DNAAF8: variants seen among roughly 807,000 people sequenced by gnomAD.
DNAAF8 encodes the protein dynein axonemal-associated protein 1.
A neutral mutation model predicts 54.6 loss-of-function variants in DNAAF8; 61 were observed. The observed-to-expected ratio is 1.12, with a 90% confidence interval of 0.91 to 1.38. The LOEUF (loss-of-function observed/expected upper bound fraction) is 1.38, where lower values mean the gene tolerates loss of function less well. Among genes scored for constraint, DNAAF8 ranks in the 40% most tolerant of loss-of-function variants. The probability of loss-of-function intolerance (pLI) is 0.00; values close to 1 mark genes in which losing one functional copy is unlikely to be tolerated. For synonymous variants in DNAAF8, 320 were observed against 270.1 expected (o/e 1.18, Z -1.81); for missense variants, 837 against 665.0 (o/e 1.26, Z -2.85).
rs1236892719 is a variant in DNAAF8 at position 4,746,252 on chromosome 16, C to T, written c.1044-123C>T. The T allele has an allele frequency of 1.2e-5, 13 of 1,067,770 alleles. No individual in the cohort carries two copies. The Middle Eastern group carries it at 8.6e-4, about 71-fold the overall frequency. The allele number at this position is 1,067,770 out of a possible 1,614,324, so 66.1% of individuals were successfully genotyped here. ...AAAGAGCAAATGTGTTTAATGTGCC[C>T]GTCTGTAGAGAGTGGGCACTCACTG... On this transcript the variant is annotated intron_variant, in intron 6 of 9. Coordinates refer to ENST00000299320, the MANE Select transcript of DNAAF8 (RefSeq NM_139170.3).
chr16:4,740,092 A>G, intron 3 of DNAAF8, 61 bp from the exon 4 acceptor site: 2 of 1,489,436 alleles, frequency 1.3e-6, no homozygotes, highest in Non-Finnish European at 1.8e-6. Context: ...TTTTCTATGA[A>G]AAACATTCCC....
In DNAAF8 at chr16:4,746,392, A is replaced by G. The variant is rs737700; in HGVS notation, c.1061A>G (p.Gln354Arg). The change falls in exon 7 of 10, where the codon CAG becomes CGG. Residue 354 changes from glutamine (Q) to arginine (R), a missense_variant. Gln to Arg is a conservative substitution (Grantham distance 43). Transcript: ENST00000299320. Reference protein sequence around the residue: ...DSGSRCASRKQGSQAGPGPQL... With the variant: ...DSGSRCASRKRGSQAGPGPQL... ...CATTTCAGATGTGCCTCAAGGAAGC[A>G]GGGCTCCCAGGCTGGGCCAGGCCCG... 0.65 allele frequency: 1,040,794 copies of G among 1,611,516 alleles called. 338,617 individuals are homozygous for G. Among genetic ancestry groups the G allele is most frequent in the East Asian group, 0.69 (30,811 of 44,858 alleles).
intron 2 of DNAAF8, among the ~76,000 whole-genome samples, chr16:4,737,364 C>T (rs1189472245): frequency 6.6e-6 from 1 of 152,170 alleles, no homozygotes; most frequent in Non-Finnish European, 1.5e-5. Context: ...CCTTCAGTCT[C>T]ATTTGAGAGT....
chr16:4,746,636 T>G, intron 7 of DNAAF8, 124 bp downstream of exon 7: 1 of 1,305,598 alleles, frequency 7.7e-7, no homozygotes, highest in Non-Finnish European at 1.0e-6. Flanking sequence ...GGATCAATTC[T>G]CAATTGAAAA....
At position 4,740,659 on chromosome 16, in the gene DNAAF8, G is replaced by A. The variant is rs150544160; in HGVS notation, c.783G>A (p.Gln261=). 552 of 1,586,590 alleles carry A rather than the reference G, an allele frequency of 3.5e-4. 3 individuals are homozygous for A. In the African/African-American group the frequency reaches 6.7e-3, roughly 19 times the overall value. ...AGGGACCACCAGTGCTCTCGCTCCA[G>A]GTAGGCGCCTCCCCGTGCCTGGCTG... ...PPEGPPVLSL[Q]QLEAWDLDDI... Residue 261 remains glutamine, a splice_region_variant and synonymous_variant, in exon 4 of 10, where the codon CAG becomes CAA. Transcript: ENST00000299320.
At chr16:4,743,993 G>A (rs1257729350) in intron 5 of DNAAF8, among the ~76,000 whole-genome samples, 3 of 144,398 alleles carry the variant, frequency 2.1e-5, no homozygotes, top group South Asian at 2.2e-4. Context: ...GCAATGGCAC[G>A]ATCTCGGTTC....
chr16:4,746,818 T>G, intron 7 of DNAAF8, 109 bp from the exon 8 acceptor site: 1 of 1,057,606 alleles, frequency 9.5e-7, no homozygotes. Context: ...GTGTGGCTGC[T>G]GACCTCTTGC....
chr16:4,744,905 G>C lies in DNAAF8; in HGVS notation c.937G>C (p.Glu313Gln), dbSNP rs765863181. Reference protein sequence around the residue: ...MVPSAHNRLMEQLALLCTTQS... With the variant: ...MVPSAHNRLMQQLALLCTTQS... ...GCCGAGCGCCCACAACAGGCTCATG[G>C]AACAGCTGGCCCTCCTGTGCACCAC... The change falls in exon 6 of 10, where the codon GAA (glutamate) becomes CAA (glutamine). Residue 313 changes from glutamate to glutamine, a missense_variant. Transcript: ENST00000299320. 3.7e-6 allele frequency: 6 copies of C among 1,613,744 alleles called. No individual in the cohort carries two copies. The highest frequency in any genetic ancestry group is 5.1e-6 in the Non-Finnish European group (6 of 1,179,992).
In DNAAF8 at chr16:4,746,893, G is replaced by C. The variant is rs1465771511; in HGVS notation, c.1182-34G>C. On this transcript the variant is annotated intron_variant, in intron 7 of 9. Coordinates refer to ENST00000299320, the MANE Select transcript of DNAAF8 (RefSeq NM_139170.3). ...CAAGAGTTGGAACACCAGGTGGAGT[G>C]GGCACATCCAGAAACCCATTTCTCT... The C allele has an allele frequency of 2.0e-6, 3 of 1,505,664 alleles. No homozygotes were observed. The African/African-American group carries it at 4.2e-5, about 21-fold the overall frequency. The allele number at this position is 1,505,664 out of a possible 1,614,324, so 93.3% of individuals were successfully genotyped here.
intron 5 of DNAAF8, chr16:4,743,494 G>GA: frequency 6.3e-6 from 1 of 159,416 alleles, no homozygotes. Context: ...CTGGGGGAAG[G>GA]AAGCCCCACC....
Position 4,746,346 on chromosome 16 carries a change from C to A in DNAAF8, c.1044-29C>A, listed in dbSNP as rs765468128. 4.4e-6 allele frequency: 7 copies of A among 1,598,732 alleles called. No individual in the cohort carries two copies. In the South Asian group the frequency reaches 7.8e-5, roughly 18 times the overall value. On this transcript the variant is annotated intron_variant, in intron 6 of 9. Transcript: ENST00000299320. ...TCACAGAGTTATCACAGAGAACTGA[C>A]TCCACAACACCTGCTTTTCTCATTT...
In DNAAF8 at chr16:4,747,528, A is replaced by G. The variant is rs1361097028; in HGVS notation, c.1466A>G (p.Gln489Arg). ...MKLCAKGQSA[Q>R]ARLPRGRPRA... The stretch of plus-strand genomic sequence containing the variant: ...CTCTGTGCCAAGGGGCAGAGCGCCC[A>G]GGCTCGACTCCCAAGAGGCAGGCCC... The change falls in exon 9 of 10, where the codon CAG (glutamine) becomes CGG (arginine). Residue 489 changes from glutamine to arginine, a missense_variant. Physicochemically the swap from Gln to Arg is conservative, Grantham distance 43. Transcript: ENST00000299320. 1 of 1,612,972 alleles carries G rather than the reference A, an allele frequency of 6.2e-7. No homozygotes were observed. The highest frequency in any genetic ancestry group is 1.3e-5 in the African/African-American group (1 of 74,940).
In DNAAF8 at chr16:4,748,933, C is replaced by T. The variant is rs541677291; in HGVS notation, c.*218C>T. 1.3e-5 allele frequency: 2 copies of T among 152,298 alleles called. No individual in the cohort carries two copies. Among genetic ancestry groups the T allele is most frequent in the African/African-American group, 2.4e-5 (1 of 41,472 alleles). 9.4% of individuals were successfully genotyped at this position (152,298 alleles called of 1,614,324 possible). On this transcript the variant is annotated 3_prime_UTR_variant, in exon 10 of 10. Transcript: ENST00000299320. Reference sequence around the variant, plus strand: ...AGCCTTGTACCAGGCAAAAGACAGGCCCTGCTTGGCCGTGGTCACTGGCCG... The same window carrying T: ...AGCCTTGTACCAGGCAAAAGACAGGTCCTGCTTGGCCGTGGTCACTGGCCG...
intron 2 of DNAAF8, among the ~76,000 whole-genome samples, chr16:4,737,329 C>G (rs1024558739): frequency 6.6e-6 from 1 of 152,170 alleles, no homozygotes; most frequent in South Asian, 2.1e-4. Context: ...GGACCCCACG[C>G]CTCAGTGCTC....
chr16:4,744,590 G>A (rs1273345297), intron 5 of DNAAF8, among the ~76,000 whole-genome samples: 1 of 151,540 alleles, frequency 6.6e-6, no homozygotes, highest in African/African-American at 2.4e-5. Flanking sequence ...AAGTGGGACC[G>A]GGGTGTGAGG....
At position 4,740,510 on chromosome 16, in the gene DNAAF8, C is replaced by G; in HGVS notation, c.634C>G (p.Leu212Val). ...ERRKMIETDI[L>V]QKVTRDACGP... The stretch of plus-strand genomic sequence containing the variant: ...AAGGAAGATGATAGAGACGGACATC[C>G]TCCAGAAAGTCACCCGGGATGCCTG... The change falls in exon 4 of 10, where the codon CTC becomes GTC. Residue 212 changes from leucine (L) to valine (V), a missense_variant. By Grantham distance (32) the Leu-to-Val change is conservative. Transcript: ENST00000299320. 1 of 1,614,106 alleles carries G rather than the reference C, an allele frequency of 6.2e-7. No individual in the cohort carries two copies. Among genetic ancestry groups the G allele is most frequent in the South Asian group, 1.1e-5 (1 of 91,088 alleles).
At chr16:4,746,867 A>C (rs2082023543) in intron 7 of DNAAF8, 60 bp from the exon 8 acceptor site, 3 of 1,435,788 alleles carry the variant, frequency 2.1e-6, no homozygotes, top group Non-Finnish European at 2.8e-6. Context: ...TCAAGCCCCA[A>C]CAAGAGTTGG....
At chr16:4,739,265 G>GGTTTTTTTTTTTTTTTTTTTTTTTTT (rs1555482695) in intron 3 of DNAAF8, among the ~76,000 whole-genome samples, 6 of 69,030 alleles carry the variant, frequency 8.7e-5, no homozygotes, top group Non-Finnish European at 1.6e-4. Context: ...ATTTTTTCTT[G>GGTTTTTTTTTTTTTTTTTTTTTTTTT]TTTTTTTTTT....
rs17137230 is a variant in DNAAF8 at position 4,740,303 on chromosome 16, C to T, written c.427C>T (p.Pro143Ser). ...VSALLGMAEE[P>S]PRWLEGDLGS... is the part of the protein sequence containing the mutation. ...CGCTCTTCTTGGGATGGCCGAGGAGCCCCCCAGGTGGCTGGAAGGCGACCT... is the reference window on the plus strand; with the variant it reads ...CGCTCTTCTTGGGATGGCCGAGGAGTCCCCCAGGTGGCTGGAAGGCGACCT... The change falls in exon 4 of 10, where the codon CCC (proline) becomes TCC (serine). Residue 143 changes from proline to serine, a missense_variant. Transcript: ENST00000299320. 5,054 of 1,611,118 alleles carry T rather than the reference C, an allele frequency of 3.1e-3. 143 individuals carry two copies. The African/African-American group carries it at 0.056, about 18-fold the overall frequency.
Sources: allele counts gnomAD v4.1 joint callset (sites outside exome capture counted in the v4.1 genomes callset), GRCh38; gene constraint gnomAD v4.1.1; transcripts MANE v1.5; gene names NCBI Gene and HGNC (gene_info 2026-07-23, HGNC 2026-07-21).